The following ZRANB3 variants were observed in gnomAD, a reference collection of about 807,000 sequenced individuals.
ZRANB3 encodes zinc finger RANBP2-type containing 3.
In ZRANB3, 125 loss-of-function variants were observed where a neutral mutation model predicts 133.8. The observed-to-expected ratio is 0.93, with a 90% CI of 0.81 to 1.08. The LOEUF (loss-of-function observed/expected upper bound fraction) is 1.08. Ranked by LOEUF, ZRANB3 falls within the 50% of genes least tolerant of loss-of-function variation. The pLI, the probability that ZRANB3 is intolerant of heterozygous loss-of-function variation, is 0.00. For synonymous variants in ZRANB3, 387 were observed against 432.7 expected, an observed-to-expected ratio of 0.89 and a Z score of 1.31; for missense variants, 1,229 against 1,275.5, an observed-to-expected ratio of 0.96 and a Z score of 0.56.
chr2:135,464,323 A>G (rs900612411), intron 2 of ZRANB3, among the ~76,000 whole-genome samples: 1 of 152,146 alleles, frequency 6.6e-6, no homozygotes, highest in Non-Finnish European at 1.5e-5. Context: ...CAATGTTTTC[A>G]GAGCTGGCTA....
At chr2:135,244,580 C>T (rs1435163176) in intron 12 of ZRANB3, among the ~76,000 whole-genome samples, 2 of 151,890 alleles carry the variant, frequency 1.3e-5, no homozygotes, top group African/African-American at 4.8e-5. Flanking sequence ...TGCACTCCAG[C>T]CTGGGTGACA....
At chr2:135,326,797 G>A (rs1006898824) in intron 6 of ZRANB3, among the ~76,000 whole-genome samples, 2 of 151,410 alleles carry the variant, frequency 1.3e-5, no homozygotes, top group African/African-American at 2.4e-5. Flanking sequence ...CTACTCAGGA[G>A]GCTGAGGCAG....
chr2:135,497,189 C>T (rs982168958), intron 2 of ZRANB3, among the ~76,000 whole-genome samples: 2 of 152,140 alleles, frequency 1.3e-5, no homozygotes, highest in Admixed American at 6.5e-5. Flanking sequence ...TCTATAGATG[C>T]AGTAAAACTC....
intron 8 of ZRANB3, among the ~76,000 whole-genome samples, chr2:135,295,678 G>T (rs1223085825): frequency 3.3e-5 from 5 of 152,248 alleles, no homozygotes; most frequent in African/African-American, 4.8e-5. Flanking sequence ...AGCCTCGATG[G>T]TCTTTACAAT....
intron 4 of ZRANB3, among the ~76,000 whole-genome samples, chr2:135,351,819 T>C (rs772074843): frequency 1.4e-4 from 22 of 152,198 alleles, no homozygotes; most frequent in Non-Finnish European, 2.6e-4. Context: ...CTGGAAGACA[T>C]TGGGTAGTTT....
intron 2 of ZRANB3, among the ~76,000 whole-genome samples, chr2:135,478,943 TTATA>T (rs1316957561): frequency 6.6e-6 from 1 of 151,960 alleles, no homozygotes; most frequent in Non-Finnish European, 1.5e-5. Context: ...GTATACATAC[TTATA>T]TATGTTATAT....
At chr2:135,200,753 G>GTTTTTTTTTTTTTTTTTTTTTTTTTTTT (rs373759295) in intron 20 of ZRANB3, among the ~76,000 whole-genome samples, 1 of 126,442 alleles carries the variant, frequency 7.9e-6, no homozygotes, top group African/African-American at 2.9e-5. Flanking sequence ...CAAGTGGGAG[G>GTTTTTTTTTTTTTTTTTTTTTTTTTTTT]TTTTTTTTTT....
intron 6 of ZRANB3, among the ~76,000 whole-genome samples, chr2:135,327,614 G>A (rs942786938): frequency 6.6e-6 from 1 of 152,118 alleles, no homozygotes; most frequent in Non-Finnish European, 1.5e-5. Flanking sequence ...AAGGAGAACA[G>A]AAGAAAACGG....
Position 135,502,754 on chromosome 2 carries a change from A to C in ZRANB3, c.161+1575T>G, listed in dbSNP as rs964723460. Among the ~76,000 whole-genome samples the C allele has an allele frequency of 2.4e-4, 36 of 152,356 alleles. No homozygotes were observed. The South Asian group carries it at 3.9e-3, about 17-fold the overall frequency. On this transcript the variant is annotated intron_variant, in intron 2 of 20. Coordinates refer to ENST00000264159, the MANE Select transcript of ZRANB3 (RefSeq NM_032143.4). ...GAATCTGAGGACCGTTAACACTGTG[A>C]ATATGGAAGAGTACAACTTTTCTAA...
rs772327254 is a variant in ZRANB3, at chr2:135,271,825, C to CTGAT, written c.1145_1148dup (p.Phe384SerfsTer7). ...CGCGAGTGTCAGGATCCTTTTGAAA[C>CTGAT]TGATTAACCAGATGTATTCTTTCTG... On this transcript the variant is annotated frameshift_variant, in exon 10 of 21. Transcript: ENST00000264159. LOFTEE classifies it high-confidence loss of function. The CTGAT allele has an allele frequency of 6.2e-7, 1 of 1,613,850 alleles. No homozygotes were observed. The highest frequency in any genetic ancestry group is 1.6e-4 in the Middle Eastern group (1 of 6,062).
chr2:135,209,039 T>C lies in ZRANB3; in HGVS notation c.2496-61A>G. The C allele has an allele frequency of 4.1e-6, 6 of 1,457,318 alleles. No individual in the cohort carries two copies. The South Asian group carries it at 4.7e-5, about 11-fold the overall frequency. The allele number at this position is 1,457,318 out of a possible 1,614,324, so 90.3% of individuals were successfully genotyped here. A position where few individuals can be genotyped will look rare whatever the true frequency, so the allele number is the denominator to read the frequency against. ...CTCATATAAAAATGTCTCTATTGCATGTTTACATTGTTCCTTGCAAAAGCA... is the reference window on the plus strand; with the variant it reads ...CTCATATAAAAATGTCTCTATTGCACGTTTACATTGTTCCTTGCAAAAGCA... On this transcript the variant is annotated intron_variant, in intron 17 of 20. Coordinates refer to ENST00000264159, the MANE Select transcript of ZRANB3 (RefSeq NM_032143.4).
intron 8 of ZRANB3, among the ~76,000 whole-genome samples, chr2:135,276,381 G>A (rs1316249276): frequency 3.3e-5 from 5 of 152,060 alleles, no homozygotes; most frequent in African/African-American, 9.7e-5. Flanking sequence ...GGAGTGATGG[G>A]ATGAAGACAA....
rs111240763 is a variant in ZRANB3, at chr2:135,230,630, C to T, written c.1837G>A (p.Ala613Thr). 6.2e-6 allele frequency: 10 copies of T among 1,613,498 alleles called. No individual in the cohort carries two copies. Among genetic ancestry groups the T allele is most frequent in the South Asian group, 5.5e-5 (5 of 90,924 alleles). Reference sequence around the variant, plus strand: ...GGAAAGGCTGGGGTGGTTAACTGGGCCTTGGCCTCCTGTACACTTTCCACG... The same window carrying T: ...GGAAAGGCTGGGGTGGTTAACTGGGTCTTGGCCTCCTGTACACTTTCCACG... ...PLVESVQEAK[A>T]QLTTPAFPVE... is the part of the protein sequence containing the mutation. The change falls in exon 13 of 21, where the codon GCC (alanine) becomes ACC (threonine). Residue 613 changes from alanine to threonine, a missense_variant. Transcript: ENST00000264159.
chr2:135,435,888 C>G (rs1243488935), intron 2 of ZRANB3, among the ~76,000 whole-genome samples: 2 of 152,036 alleles, frequency 1.3e-5, no homozygotes. Flanking sequence ...GGATATTAGG[C>G]CTTTGTGAGA....
intron 1 of ZRANB3, among the ~76,000 whole-genome samples, chr2:135,524,591 T>C (rs1694076186): frequency 2.0e-5 from 3 of 151,998 alleles, no homozygotes. Flanking sequence ...ATCTAACTAA[T>C]AAATTACAAG....
intron 2 of ZRANB3, among the ~76,000 whole-genome samples, chr2:135,391,903 T>G (rs929953099): frequency 6.6e-6 from 1 of 152,140 alleles, no homozygotes; most frequent in Non-Finnish European, 1.5e-5. Flanking sequence ...TCTATTACTT[T>G]GCTAAACTTT....
intron 2 of ZRANB3, among the ~76,000 whole-genome samples, chr2:135,404,797 T>G (rs1053705697): frequency 6.6e-6 from 1 of 152,178 alleles, no homozygotes; most frequent in Non-Finnish European, 1.5e-5. Flanking sequence ...GGGCCAATAT[T>G]CAACATTCTT....
chr2:135,411,322 T>C (rs1035486077), intron 2 of ZRANB3, among the ~76,000 whole-genome samples: 1 of 151,490 alleles, frequency 6.6e-6, no homozygotes, highest in Non-Finnish European at 1.5e-5. Context: ...GGGAGGTGAG[T>C]GTAAATTAGT....
chr2:135,459,436 C>T (rs971378904), intron 2 of ZRANB3, among the ~76,000 whole-genome samples: 2 of 152,066 alleles, frequency 1.3e-5, no homozygotes, highest in African/African-American at 2.4e-5. Context: ...GCATACCATG[C>T]CCAGAGAAGA....
Sources: allele counts gnomAD v4.1 joint callset (sites outside exome capture counted in the v4.1 genomes callset), GRCh38; gene constraint gnomAD v4.1.1; transcripts MANE v1.5; gene names NCBI Gene and HGNC (gene_info 2026-07-23, HGNC 2026-07-21).